AKT3: variants seen among roughly 807,000 people sequenced by gnomAD.
AKT3 encodes RAC-gamma serine/threonine-protein kinase.
In AKT3, 15 loss-of-function variants were observed where a neutral mutation model predicts 65.3. The observed-to-expected ratio is 0.23, with a 90% CI of 0.15 to 0.35. The LOEUF is 0.35. Ranked by LOEUF, AKT3 falls within the 10% of genes least tolerant of loss-of-function variation. AKT3 has a pLI of 1.00. For missense variants in AKT3, 243 were observed against 576.5 expected (o/e 0.42, Z 5.92); for synonymous variants, 206 against 183.8 (o/e 1.12, Z -0.98).
rs1679253949 is a variant in AKT3 at position 243,627,364 on chromosome 1, T to C, written c.561+10247A>G. Among the ~76,000 whole-genome samples, 3 of 151,940 alleles carry C rather than the reference T, an allele frequency of 2.0e-5. No individual in the cohort carries two copies. In the South Asian group the frequency reaches 6.2e-4, roughly 32 times the overall value. On this transcript the variant is annotated intron_variant, in intron 6 of 13. Coordinates refer to ENST00000673466, the MANE Select transcript of AKT3 (RefSeq NM_005465.7). ...AAAAAAGAGAGAGAGACATACTGAT[T>C]GATCTTGAAAATACTTTTTTCTTGG...
chr1:243,607,170 C>T (rs1677491257), intron 8 of AKT3, among the ~76,000 whole-genome samples: 1 of 152,208 alleles, frequency 6.6e-6, no homozygotes, highest in Admixed American at 6.5e-5. Flanking sequence ...TGGGGCACTG[C>T]CTAGTGGAGC....
intron 12 of AKT3, among the ~76,000 whole-genome samples, chr1:243,527,906 C>CTCCATCTCTTAAA (rs1558590127): frequency 6.9e-5 from 8 of 116,020 alleles, no homozygotes; most frequent in African/African-American, 3.6e-4. Context: ...CACACACACA[C>CTCCATCTCTTAAA]ACACACACAC....
At chr1:243,558,370 C>G (rs935617345) in intron 10 of AKT3, among the ~76,000 whole-genome samples, 3 of 151,890 alleles carry the variant, frequency 2.0e-5, no homozygotes, top group African/African-American at 7.2e-5. Context: ...TCAAAATATT[C>G]TCATCTATTT....
chr1:243,548,308 G>A (rs1672816619), intron 11 of AKT3: 1 of 152,114 alleles, frequency 6.6e-6, no homozygotes, highest in Non-Finnish European at 1.5e-5. Flanking sequence ...TAATCATTTT[G>A]TAAATAAAAT....
chr1:243,643,274 G>C (rs1208195630), intron 5 of AKT3, among the ~76,000 whole-genome samples: 2 of 152,216 alleles, frequency 1.3e-5, no homozygotes, highest in Non-Finnish European at 2.9e-5. Context: ...CAAACTTAGT[G>C]GGAAAGCAGG....
intron 12 of AKT3, among the ~76,000 whole-genome samples, chr1:243,514,351 AAC>A (rs1670207648): frequency 6.6e-6 from 1 of 152,290 alleles, no homozygotes; most frequent in African/African-American, 2.4e-5. Flanking sequence ...AACCTATCTT[AAC>A]ACAGTTTTCA....
At chr1:243,673,861 C>T (rs1463876123) in intron 3 of AKT3, among the ~76,000 whole-genome samples, 1 of 152,158 alleles carries the variant, frequency 6.6e-6, no homozygotes, top group Non-Finnish European at 1.5e-5. Flanking sequence ...GATCCACCCA[C>T]CTCAGCCTAC....
intron 2 of AKT3, among the ~76,000 whole-genome samples, chr1:243,701,602 GAATTT>G (rs1196060428): frequency 1.6e-5 from 2 of 127,828 alleles, no homozygotes; most frequent in African/African-American, 5.8e-5. Context: ...AGTTCATTTA[GAATTT>G]AATTAGAAAC....
In AKT3 at chr1:243,699,465, CTATATATATATATATA is replaced by C. The variant is rs58911364; in HGVS notation, c.47-3765_47-3750del. ...AAGACTTCCAACCCAACCTCTTCCACTATATATATATATATATATATATATATATATATATATATAT... is the reference window on the plus strand; with the variant it reads ...AAGACTTCCAACCCAACCTCTTCCACTATATATATATATATATATATATAT... On this transcript the variant is annotated intron_variant, in intron 2 of 13. Transcript: ENST00000673466. 6.0e-3 allele frequency among the ~76,000 whole-genome samples: 619 copies of C among 103,604 alleles called. 12 individuals are homozygous for C. The highest frequency in any genetic ancestry group is 0.013 in the East Asian group (42 of 3,278). 68.0% of individuals were successfully genotyped at this position (103,604 alleles called of 152,430 possible). A position where few individuals can be genotyped will look rare whatever the true frequency, so the allele number is the denominator to read the frequency against.
intron 2 of AKT3, among the ~76,000 whole-genome samples, chr1:243,723,481 C>G (rs575040035): frequency 6.6e-6 from 1 of 152,144 alleles, no homozygotes; most frequent in African/African-American, 2.4e-5. Flanking sequence ...AGATAATTCA[C>G]TATGTCATAT....
At chr1:243,768,071 C>A (rs1391517631) in intron 2 of AKT3, among the ~76,000 whole-genome samples, 5 of 150,308 alleles carry the variant, frequency 3.3e-5, no homozygotes, top group Non-Finnish European at 7.4e-5. Flanking sequence ...TTATAAAATG[C>A]CATAAACTAT....
chr1:243,684,491 C>G (rs1684147731), intron 3 of AKT3, among the ~76,000 whole-genome samples: 1 of 152,144 alleles, frequency 6.6e-6, no homozygotes, highest in Non-Finnish European at 1.5e-5. Flanking sequence ...ATGAACTCAT[C>G]CTTTCTTATG....
At chr1:243,525,423 T>C (rs1274520269) in intron 12 of AKT3, among the ~76,000 whole-genome samples, 1 of 151,940 alleles carries the variant, frequency 6.6e-6, no homozygotes, top group Non-Finnish European at 1.5e-5. Flanking sequence ...AGGAAACTGA[T>C]GCTCTGATGA....
At chr1:243,800,611 G>A (rs761636446) in intron 2 of AKT3, among the ~76,000 whole-genome samples, 2 of 152,122 alleles carry the variant, frequency 1.3e-5, no homozygotes, top group Non-Finnish European at 2.9e-5. Context: ...CCAGCTACTC[G>A]GGAGGCTGAG....
chr1:243,603,837 C>A (rs1677194279), intron 8 of AKT3, among the ~76,000 whole-genome samples: 1 of 151,368 alleles, frequency 6.6e-6, no homozygotes, highest in Admixed American at 6.6e-5. Flanking sequence ...CCTGGTGATT[C>A]TAATAACTAA....
At chr1:243,843,426 T>G in intron 1 of AKT3, 144 bp from the exon 2 acceptor site, 1 of 1,102,142 alleles carries the variant, frequency 9.1e-7, no homozygotes, top group Non-Finnish European at 1.2e-6. Flanking sequence ...AACTTATTTA[T>G]TAAATAGTTC....
At chr1:243,596,104 T>C (rs1397026400) in intron 8 of AKT3, among the ~76,000 whole-genome samples, 3 of 152,212 alleles carry the variant, frequency 2.0e-5, no homozygotes, top group South Asian at 4.1e-4. Flanking sequence ...TATTGTCATA[T>C]ACATGGCCCA....
intron 8 of AKT3, among the ~76,000 whole-genome samples, chr1:243,593,565 T>C (rs1676384900): frequency 2.0e-5 from 3 of 152,240 alleles, no homozygotes; most frequent in Non-Finnish European, 4.4e-5. Context: ...TGGGCACCTG[T>C]AGTCCCAGCT....
intron 12 of AKT3, among the ~76,000 whole-genome samples, chr1:243,545,012 T>G (rs925539403): frequency 6.6e-6 from 1 of 152,022 alleles, no homozygotes; most frequent in African/African-American, 2.4e-5. Context: ...AGTATTAATT[T>G]TGTGGGCAAT....
Sources: allele counts gnomAD v4.1 joint callset (sites outside exome capture counted in the v4.1 genomes callset), GRCh38; gene constraint gnomAD v4.1.1; transcripts MANE v1.5; gene names NCBI Gene and HGNC (gene_info 2026-07-23, HGNC 2026-07-21).